Variants in DOCK3 observed in about 807,000 individuals in gnomAD.
The protein encoded by DOCK3 is dedicator of cytokinesis protein 3.
DOCK3 carries 60 observed loss-of-function variants against 265.6 expected under a neutral mutation model. The observed-to-expected ratio is 0.23, with a 90% confidence interval of 0.18 to 0.28. The LOEUF (loss-of-function observed/expected upper bound fraction) is 0.28, where lower values mean the gene tolerates loss of function less well. Ranked by LOEUF, DOCK3 falls within the 10% of genes least tolerant of loss-of-function variation. DOCK3 has a pLI of 1.00. For synonymous variants in DOCK3, 881 were observed against 938.0 expected (o/e 0.94, Z 1.11); for missense variants, 1,981 against 2,594.3 (o/e 0.76, Z 5.14).
intron 45 of DOCK3, 39 bp downstream of exon 45, chr3:51,357,880 GA>G (rs1188623305): frequency 6.2e-7 from 1 of 1,613,740 alleles, no homozygotes; most frequent in Non-Finnish European, 8.5e-7. Context: ...AGCCAGGTGA[GA>G]AAAGCCATGC....
At chr3:51,022,193 T>C (rs2079623220) in intron 5 of DOCK3, among the ~76,000 whole-genome samples, 1 of 152,208 alleles carries the variant, frequency 6.6e-6, no homozygotes, top group African/African-American at 2.4e-5. Context: ...ATTTTGTACA[T>C]TGACTGTATA....
chr3:51,321,241 A>G (rs895996111), intron 32 of DOCK3, among the ~76,000 whole-genome samples: 3 of 152,238 alleles, frequency 2.0e-5, no homozygotes, highest in African/African-American at 7.2e-5. Flanking sequence ...GGGGCCTGAC[A>G]GTTAGAAGAA....
At chr3:50,785,027 C>T (rs1433309725) in intron 2 of DOCK3, among the ~76,000 whole-genome samples, 1 of 152,108 alleles carries the variant, frequency 6.6e-6, no homozygotes, top group Non-Finnish European at 1.5e-5. Flanking sequence ...GGTGGTGGTG[C>T]ACGCCTGTAA....
chr3:51,229,063 G>C (rs2090442861), intron 18 of DOCK3, among the ~76,000 whole-genome samples: 1 of 152,198 alleles, frequency 6.6e-6, no homozygotes. Context: ...TTTGGCCTTA[G>C]ACTCAGTCTG....
At chr3:51,145,382 C>T (rs536770000) in intron 9 of DOCK3, among the ~76,000 whole-genome samples, 60 of 152,048 alleles carry the variant, frequency 3.9e-4, no homozygotes, top group Non-Finnish European at 7.8e-4. Context: ...CTCCCCACTC[C>T]GCCTACCCCA....
chr3:51,028,540 TTC>T (rs2079913769), intron 5 of DOCK3, among the ~76,000 whole-genome samples: 1 of 152,216 alleles, frequency 6.6e-6, no homozygotes, highest in Non-Finnish European at 1.5e-5. Context: ...TTCTGTTTTT[TTC>T]TCTCAGAAAT....
At chr3:50,690,547 G>T (rs1214845664) in intron 1 of DOCK3, among the ~76,000 whole-genome samples, 1 of 152,112 alleles carries the variant, frequency 6.6e-6, no homozygotes, top group East Asian at 1.9e-4. Context: ...TTCTACACCA[G>T]TTAAATGAAA....
chr3:51,204,924 C>A (rs2089079802), intron 12 of DOCK3, among the ~76,000 whole-genome samples: 1 of 151,758 alleles, frequency 6.6e-6, no homozygotes, highest in Non-Finnish European at 1.5e-5. Context: ...GAACAAAAAA[C>A]CAAACACCGC....
At chr3:50,999,283 G>A (rs1240424059) in intron 5 of DOCK3, among the ~76,000 whole-genome samples, 2 of 152,186 alleles carry the variant, frequency 1.3e-5, no homozygotes, top group African/African-American at 4.8e-5. Flanking sequence ...CAAAGAGAGG[G>A]TTCGTTGAAA....
At chr3:50,692,168 C>T (rs905478550) in intron 1 of DOCK3, among the ~76,000 whole-genome samples, 1 of 152,128 alleles carries the variant, frequency 6.6e-6, no homozygotes, top group Non-Finnish European at 1.5e-5. Flanking sequence ...CCTCCTGCCT[C>T]GGGGTTCCAA....
intron 1 of DOCK3, among the ~76,000 whole-genome samples, chr3:50,728,590 G>A (rs753548199): frequency 1.3e-5 from 2 of 152,100 alleles, no homozygotes; most frequent in Non-Finnish European, 2.9e-5. Flanking sequence ...GGGAAGACAT[G>A]TTTGTAATGA....
intron 2 of DOCK3, among the ~76,000 whole-genome samples, chr3:50,837,192 C>A (rs543418060): frequency 6.6e-6 from 1 of 152,310 alleles, no homozygotes; most frequent in East Asian, 1.9e-4. Flanking sequence ...TGCCTGTTAT[C>A]CAGTTCCAAA....
intron 4 of DOCK3, among the ~76,000 whole-genome samples, chr3:50,897,655 C>T (rs563428603): frequency 5.3e-5 from 8 of 150,928 alleles, no homozygotes; most frequent in Admixed American, 4.0e-4. Flanking sequence ...TACGTTCAAT[C>T]GGTATAGTTT....
chr3:51,298,865 A>G (rs755004538), intron 27 of DOCK3, among the ~76,000 whole-genome samples: 4 of 152,226 alleles, frequency 2.6e-5, no homozygotes, highest in Non-Finnish European at 2.9e-5. Flanking sequence ...CAGTGCTGCA[A>G]TGAACATACA....
chr3:51,373,506 A>G (rs2087846204), intron 49 of DOCK3, among the ~76,000 whole-genome samples: 2 of 152,166 alleles, frequency 1.3e-5, no homozygotes, highest in Admixed American at 6.5e-5. Flanking sequence ...CAAATTACCC[A>G]TTCCCCCAGG....
intron 5 of DOCK3, among the ~76,000 whole-genome samples, chr3:51,054,745 A>G (rs909071218): frequency 3.3e-5 from 5 of 152,204 alleles, no homozygotes; most frequent in African/African-American, 1.2e-4. Flanking sequence ...ATATTAAATT[A>G]CGACTAGCCT....
At chr3:51,237,705 A>G (rs1483815379) in intron 21 of DOCK3, 115 bp downstream of exon 21, 7 of 889,828 alleles carry the variant, frequency 7.9e-6, no homozygotes, top group African/African-American at 1.7e-5. Context: ...TAAAAATTTT[A>G]TATTTTTAAT....
rs116348140 is a variant in DOCK3, at chr3:51,198,219, C to T, written c.1038-10555C>T. Among the ~76,000 whole-genome samples the T allele has an allele frequency of 2.7e-3, 418 of 152,272 alleles. 1 individual carries two copies. The highest frequency in any genetic ancestry group is 9.6e-3 in the African/African-American group (400 of 41,552). On this transcript the variant is annotated intron_variant, in intron 12 of 52. Coordinates refer to ENST00000266037, the MANE Select transcript of DOCK3 (RefSeq NM_004947.5). Reference sequence around the variant, plus strand: ...GGGGAAGTTGGAGAAGCAAATAGACCCAGGAAAGTTATCCACCTCTTGGTG... The same window carrying T: ...GGGGAAGTTGGAGAAGCAAATAGACTCAGGAAAGTTATCCACCTCTTGGTG...
At chr3:51,097,300 C>G (rs1056531928) in intron 9 of DOCK3, among the ~76,000 whole-genome samples, 17 of 152,164 alleles carry the variant, frequency 1.1e-4, no homozygotes, top group African/African-American at 3.9e-4. Flanking sequence ...CATAGATGCC[C>G]TTCCCAGAGT....
Sources: allele counts gnomAD v4.1 joint callset (sites outside exome capture counted in the v4.1 genomes callset), GRCh38; gene constraint gnomAD v4.1.1; transcripts MANE v1.5; gene names NCBI Gene and HGNC (gene_info 2026-07-23, HGNC 2026-07-21).